The following CCDC146 variants were observed in gnomAD, a reference collection of about 807,000 sequenced individuals.
CCDC146 encodes the protein coiled-coil domain-containing protein 146.
In CCDC146, 92 loss-of-function variants were observed where a neutral mutation model predicts 119.3. The ratio of observed to expected loss-of-function variants is 0.77; its 90% CI spans 0.65 to 0.92. CCDC146 has a LOEUF of 0.92. CCDC146 is among the 40% of genes least tolerant of loss of function. The pLI is 0.00. For synonymous variants in CCDC146, 372 were observed against 371.8 expected (o/e 1.00, Z -0.01); for missense variants, 1,000 against 1,103.0 (o/e 0.91, Z 1.32).
intron 2 of CCDC146, among the ~76,000 whole-genome samples, chr7:77,205,338 A>G (rs1792063709): frequency 6.6e-6 from 1 of 152,170 alleles, no homozygotes; most frequent in African/African-American, 2.4e-5. Context: ...CTGTTTAAAG[A>G]CACCCTATTT....
intron 2 of CCDC146, chr7:77,199,588 G>T (rs763885426): frequency 1.1e-5 from 18 of 1,614,090 alleles, no homozygotes; most frequent in Non-Finnish European, 1.4e-5. Context: ...GAATTGCTTC[G>T]GGAGCTGAAT....
At chr7:77,287,408 T>G in intron 16 of CCDC146, 32 bp from the exon 17 acceptor site, 1 of 1,610,846 alleles carries the variant, frequency 6.2e-7, no homozygotes, top group Non-Finnish European at 8.5e-7. Flanking sequence ...TGACTTTTTT[T>G]TTATTCCTCT....
At chr7:77,209,344 A>G (rs778731187) in intron 2 of CCDC146, among the ~76,000 whole-genome samples, 14 of 152,224 alleles carry the variant, frequency 9.2e-5, no homozygotes, top group Admixed American at 2.6e-4. Flanking sequence ...TAAAGCTCCA[A>G]AAGAATCTCC....
chr7:77,292,090 G>A (rs747098354), intron 17 of CCDC146, among the ~76,000 whole-genome samples: 2 of 151,810 alleles, frequency 1.3e-5, no homozygotes, highest in Non-Finnish European at 2.9e-5. Context: ...GAGCCCAGGA[G>A]TTCAAAACTA....
At position 77,274,705 on chromosome 7, in the gene CCDC146, C is replaced by T. The variant is rs1444049408; in HGVS notation, c.1440+53C>T. ...GATAACTACAAGAGTTCAGGGTAGC[C>T]TCATTATAATGCCACGTGCATTAGG... is the stretch of plus-strand genomic sequence containing the variant. On this transcript the variant is annotated intron_variant, in intron 11 of 18. Coordinates refer to ENST00000285871, the MANE Select transcript of CCDC146 (RefSeq NM_020879.3). The T allele has an allele frequency of 6.3e-5, 90 of 1,434,496 alleles. No individual in the cohort carries two copies. The East Asian group carries it at 2.1e-3, about 33-fold the overall frequency. The allele number at this position is 1,434,496 out of a possible 1,614,324, so 88.9% of individuals were successfully genotyped here.
chr7:77,189,757 G>C (rs568720259), intron 2 of CCDC146, among the ~76,000 whole-genome samples: 5 of 152,090 alleles, frequency 3.3e-5, no homozygotes, highest in Non-Finnish European at 5.9e-5. Flanking sequence ...TTCCAGGCTT[G>C]GGGCTTTTGC....
chr7:77,154,529 C>T (rs1404903654), intron 1 of CCDC146, among the ~76,000 whole-genome samples: 7 of 141,012 alleles, frequency 5.0e-5, no homozygotes, highest in South Asian at 4.8e-4. Flanking sequence ...TTGTTCAATT[C>T]CCACCTATGA....
At chr7:77,211,017 T>C (rs1472047267) in intron 2 of CCDC146, among the ~76,000 whole-genome samples, 4 of 152,174 alleles carry the variant, frequency 2.6e-5, no homozygotes, top group African/African-American at 9.7e-5. Context: ...AATGCCAAAC[T>C]ATATCAATCT....
At chr7:77,287,061 G>A (rs533112916) in intron 16 of CCDC146, 135 bp downstream of exon 16, 2 of 965,522 alleles carry the variant, frequency 2.1e-6, no homozygotes, top group Admixed American at 2.6e-5. Flanking sequence ...TCCTTTTGTT[G>A]TAATCTAGTC....
At chr7:77,222,204 T>G (rs1423387774) in intron 2 of CCDC146, among the ~76,000 whole-genome samples, 2 of 152,210 alleles carry the variant, frequency 1.3e-5, no homozygotes, top group African/African-American at 4.8e-5. Context: ...GAAGTTCAAG[T>G]TGCAATTTTG....
chr7:77,262,984 A>G (rs1793330419), intron 9 of CCDC146, among the ~76,000 whole-genome samples: 1 of 152,158 alleles, frequency 6.6e-6, no homozygotes, highest in South Asian at 2.1e-4. Context: ...GCCTTCCTTG[A>G]GCGAAAAAGG....
chr7:77,200,654 C>T (rs1791970949), intron 2 of CCDC146, among the ~76,000 whole-genome samples: 1 of 152,200 alleles, frequency 6.6e-6, no homozygotes, highest in African/African-American at 2.4e-5. Flanking sequence ...GCAGGTAGCC[C>T]TGGCAGGCGG....
chr7:77,250,355 T>C (rs900016392), intron 4 of CCDC146, among the ~76,000 whole-genome samples: 2 of 152,250 alleles, frequency 1.3e-5, no homozygotes, highest in Non-Finnish European at 2.9e-5. Flanking sequence ...TAACATTTCT[T>C]GCAAAGCAGG....
chr7:77,183,323 T>A (rs1791617526), intron 2 of CCDC146, among the ~76,000 whole-genome samples: 3 of 152,018 alleles, frequency 2.0e-5, no homozygotes, highest in Admixed American at 2.0e-4. Flanking sequence ...CAGTATCCCA[T>A]CATCACCTCA....
At chr7:77,233,216 G>A (rs1192387806) in intron 2 of CCDC146, among the ~76,000 whole-genome samples, 1 of 151,658 alleles carries the variant, frequency 6.6e-6, no homozygotes, top group Admixed American at 6.6e-5. Context: ...AGCCTCCCAA[G>A]TAGCTGGGAC....
intron 18 of CCDC146, 106 bp from the exon 19 acceptor site, chr7:77,294,557 G>A (rs759281010): frequency 1.0e-5 from 10 of 976,276 alleles, no homozygotes; most frequent in Non-Finnish European, 1.5e-5. Flanking sequence ...GTATCAGCTA[G>A]CACGGTCAAA....
chr7:77,202,408 C>A (rs751863170), intron 2 of CCDC146, among the ~76,000 whole-genome samples: 18 of 152,316 alleles, frequency 1.2e-4, no homozygotes, highest in African/African-American at 4.1e-4. Flanking sequence ...CAGAAATGTG[C>A]GTGTCAAGCA....
chr7:77,244,850 G>T (rs745748269), intron 4 of CCDC146, among the ~76,000 whole-genome samples: 8 of 152,124 alleles, frequency 5.3e-5, no homozygotes, highest in Non-Finnish European at 1.0e-4. Context: ...TAAAAATAAA[G>T]AGATGAAGCT....
At chr7:77,191,605 C>T (rs1791763422) in intron 2 of CCDC146, among the ~76,000 whole-genome samples, 1 of 152,140 alleles carries the variant, frequency 6.6e-6, no homozygotes, top group African/African-American at 2.4e-5. Flanking sequence ...GAGAACTCTG[C>T]CTATAAGAGA....
Sources: allele counts gnomAD v4.1 joint callset (sites outside exome capture counted in the v4.1 genomes callset), GRCh38; gene constraint gnomAD v4.1.1; transcripts MANE v1.5; gene names NCBI Gene and HGNC (gene_info 2026-07-23, HGNC 2026-07-21).